PHKB: variants seen among roughly 807,000 people sequenced by gnomAD.
PHKB encodes phosphorylase b kinase regulatory subunit beta.
A neutral mutation model predicts 152.1 loss-of-function variants in PHKB; 122 were observed. The observed-to-expected ratio is 0.80, with a 90% CI of 0.69 to 0.93. PHKB has a LOEUF of 0.93. PHKB is among the 40% of genes least tolerant of loss of function. PHKB has a pLI of 0.00. For missense variants in PHKB, 1,304 were observed against 1,328.4 expected (o/e 0.98, Z 0.29); for synonymous variants, 436 against 464.9 (o/e 0.94, Z 0.80).
intron 14 of PHKB, among the ~76,000 whole-genome samples, chr16:47,640,066 A>G (rs1187597164): frequency 1.3e-5 from 2 of 152,358 alleles, no homozygotes; most frequent in East Asian, 3.9e-4. Context: ...TCTGCGTGAA[A>G]TGGCACTTTG....
rs1293620662 is a variant in PHKB, at chr16:47,547,493, G to A, written c.655G>A (p.Gly219Ser). Residue 219 changes from glycine to serine, a missense_variant, in exon 7 of 31, where the codon GGT becomes AGT. Gly to Ser is a moderately conservative substitution (Grantham distance 56). Coordinates refer to ENST00000323584, the MANE Select transcript of PHKB (RefSeq NM_000293.3). ...VERVYRVPDF[G>S]VWERGSKYNN... Reference sequence around the variant, plus strand: ...AAGAGTTTACCGTGTGCCTGACTTTGGTGTCTGGGAAAGAGGAAGCAAATA... The same window carrying A: ...AAGAGTTTACCGTGTGCCTGACTTTAGTGTCTGGGAAAGAGGAAGCAAATA... The A allele has an allele frequency of 1.9e-6, 3 of 1,613,120 alleles. No individual in the cohort carries two copies. The highest frequency in any genetic ancestry group is 2.5e-6 in the Non-Finnish European group (3 of 1,179,294).
intron 7 of PHKB, among the ~76,000 whole-genome samples, chr16:47,554,361 C>T (rs1971328291): frequency 6.6e-6 from 1 of 152,164 alleles, no homozygotes; most frequent in Non-Finnish European, 1.5e-5. Flanking sequence ...GTGTACGCCC[C>T]TTTCCCCACC....
intron 6 of PHKB, among the ~76,000 whole-genome samples, chr16:47,545,401 A>G (rs1159944590): frequency 2.0e-5 from 3 of 152,072 alleles, no homozygotes; most frequent in Admixed American, 2.0e-4. Flanking sequence ...TCTTTTCTTT[A>G]CGAATGGCGA....
intron 28 of PHKB, among the ~76,000 whole-genome samples, chr16:47,695,724 C>T (rs761318458): frequency 6.6e-6 from 1 of 152,214 alleles, no homozygotes; most frequent in Non-Finnish European, 1.5e-5. Flanking sequence ...AGAGCCTTCC[C>T]TTCCATCCTC....
At chr16:47,574,506 G>C (rs1185120617) in intron 7 of PHKB, among the ~76,000 whole-genome samples, 1 of 152,176 alleles carries the variant, frequency 6.6e-6, no homozygotes, top group Non-Finnish European at 1.5e-5. Context: ...TTTGCAAGTG[G>C]GTGAGGCATG....
chr16:47,566,710 A>G (rs1597090953), intron 7 of PHKB: 3 of 779,664 alleles, frequency 3.8e-6, no homozygotes, highest in East Asian at 2.5e-5. Context: ...GGTGCCCTAT[A>G]CACATCTTCA....
chr16:47,643,926 A>G (rs1050068475), intron 16 of PHKB, among the ~76,000 whole-genome samples: 1 of 152,104 alleles, frequency 6.6e-6, no homozygotes, highest in African/African-American at 2.4e-5. Context: ...TTTCTGCTCT[A>G]TGTATTTCCG....
Position 47,650,834 on chromosome 16 carries a change from T to C in PHKB, c.1884T>C (p.Gly628=). ...TTTGTTTATTTATATTTTTTAGAGGTAGCCGGTTCAACCCCATATTAGATA... is the reference window on the plus strand; with the variant it reads ...TTTGTTTATTTATATTTTTTAGAGGCAGCCGGTTCAACCCCATATTAGATA... The part of the protein sequence containing the change: ...LVLIREDNIR[G]SRFNPILDML... The change falls in exon 20 of 31, where the codon GGT becomes GGC. Residue 628 remains glycine, a synonymous_variant. Transcript: ENST00000323584. The C allele has an allele frequency of 6.2e-7, 1 of 1,609,650 alleles. No individual in the cohort carries two copies.
chr16:47,476,087 C>T (rs1008673968), intron 1 of PHKB, among the ~76,000 whole-genome samples: 2 of 151,826 alleles, frequency 1.3e-5, no homozygotes, highest in East Asian at 3.9e-4. Context: ...CCAAGCTGGT[C>T]TCAAGCTCCT....
chr16:47,626,446 G>A (rs1972711744), intron 14 of PHKB, among the ~76,000 whole-genome samples: 1 of 152,196 alleles, frequency 6.6e-6, no homozygotes. Flanking sequence ...AGGTTTTCAT[G>A]CCCTTCCCCT....
At chr16:47,614,772 T>C (rs911944628) in intron 14 of PHKB, among the ~76,000 whole-genome samples, 11 of 152,224 alleles carry the variant, frequency 7.2e-5, no homozygotes, top group African/African-American at 2.7e-4. Flanking sequence ...ATTAAAGAAG[T>C]TCATGGGATG....
At chr16:47,651,067 A>C (rs1973229321) in intron 20 of PHKB, 146 bp downstream of exon 20, 1 of 701,892 alleles carries the variant, frequency 1.4e-6, no homozygotes, top group Non-Finnish European at 2.5e-6. Flanking sequence ...TCACTTTTCC[A>C]GTTTATCTGA....
At chr16:47,629,871 G>T (rs1972791083) in intron 14 of PHKB, among the ~76,000 whole-genome samples, 1 of 152,114 alleles carries the variant, frequency 6.6e-6, no homozygotes, top group South Asian at 2.1e-4. Flanking sequence ...CATGTCCTTT[G>T]TAGGGACATG....
chr16:47,573,271 G>A (rs2151688960), intron 7 of PHKB, among the ~76,000 whole-genome samples: 1 of 152,260 alleles, frequency 6.6e-6, no homozygotes, highest in South Asian at 2.1e-4. Flanking sequence ...CAATGGGCAG[G>A]GTCATGGAAC....
At chr16:47,603,242 G>A (rs1031074829) in intron 13 of PHKB, among the ~76,000 whole-genome samples, 3 of 152,086 alleles carry the variant, frequency 2.0e-5, no homozygotes, top group South Asian at 4.1e-4. Flanking sequence ...TTACTGCTCC[G>A]TTCAAGATAA....
chr16:47,669,502 T>A, intron 26 of PHKB, 85 bp downstream of exon 26: 1 of 1,184,858 alleles, frequency 8.4e-7, no homozygotes, highest in Non-Finnish European at 1.3e-6. Flanking sequence ...GAAGCAATGT[T>A]CCTGGTGTCT....
chr16:47,539,681 G>A (rs561651938), intron 6 of PHKB, among the ~76,000 whole-genome samples: 115 of 152,234 alleles, frequency 7.6e-4, no homozygotes, highest in African/African-American at 2.3e-3. Context: ...CAGGGACCCC[G>A]AACGGAGGGA....
At chr16:47,666,930 A>G (rs781125995) in intron 25 of PHKB, among the ~76,000 whole-genome samples, 2 of 152,134 alleles carry the variant, frequency 1.3e-5, no homozygotes, top group Non-Finnish European at 2.9e-5. Context: ...TTTTCCTGAG[A>G]GTTAATCTGG....
At chr16:47,549,882 G>C (rs1260848760) in intron 7 of PHKB, among the ~76,000 whole-genome samples, 1 of 152,066 alleles carries the variant, frequency 6.6e-6, no homozygotes, top group Admixed American at 6.5e-5. Context: ...TTGAAGGCTT[G>C]AAAAATCATT....
Sources: gnomAD v4.1 joint callset for allele counts (sites outside exome capture counted in the v4.1 genomes callset) on GRCh38, gnomAD v4.1.1 for gene constraint, MANE v1.5 for transcripts, NCBI Gene and HGNC (gene_info 2026-07-23, HGNC 2026-07-21) for gene names.